Variants in NDUFA10 observed in about 807,000 individuals in gnomAD.
NDUFA10 encodes the protein NADH dehydrogenase [ubiquinone] 1 alpha subcomplex subunit 10, mitochondrial.
NDUFA10 carries 40 observed loss-of-function variants against 47.8 expected under a neutral mutation model. The ratio of observed to expected loss-of-function variants is 0.84; its 90% CI spans 0.65 to 1.09. The LOEUF (loss-of-function observed/expected upper bound fraction) is 1.09, where lower values mean the gene tolerates loss of function less well. NDUFA10 is among the 50% of genes least tolerant of loss of function. The pLI is 0.00. For synonymous variants in NDUFA10, 183 were observed against 172.2 expected, an observed-to-expected ratio of 1.06 and a Z score of -0.49; for missense variants, 413 against 451.1, an observed-to-expected ratio of 0.92 and a Z score of 0.76.
chr2:240,022,997 T>C (rs749488086), intron 1 of NDUFA10, among the ~76,000 whole-genome samples: 4 of 152,200 alleles, frequency 2.6e-5, no homozygotes, highest in African/African-American at 9.6e-5. Flanking sequence ...CACAAAATCC[T>C]AACTGTTCAG....
chr2:239,921,918 A>G lies in NDUFA10; in HGVS notation c.295-26604T>C, dbSNP rs187478389. On this transcript the variant is annotated intron_variant, in intron 4 of 5. Transcript: ENST00000419408. The stretch of plus-strand genomic sequence containing the variant: ...TCTCCTTCCTTTTCTCCTTTCCTCC[A>G]TTTTTCTGTCCTTCCTTCCTTCTTT... 3.7e-3 allele frequency among the ~76,000 whole-genome samples: 490 copies of G among 132,670 alleles called. 6 individuals are homozygous for G. The highest frequency in any genetic ancestry group is 7.2e-3 in the South Asian group (29 of 4,016). The allele number at this position is 132,670 out of a possible 152,430, so 87.0% of individuals were successfully genotyped here. A position where few individuals can be genotyped will look rare whatever the true frequency, so the allele number is the denominator to read the frequency against.
chr2:239,927,651 C>G lies in NDUFA10; in HGVS notation c.295-32337G>C, dbSNP rs141695769. On this transcript the variant is annotated intron_variant, in intron 4 of 5. Transcript: ENST00000419408. ...TCTAAAGGTCACATGCCGCACAATTCCATTTATACAAAATTCTCAAAATGA... is the reference window on the plus strand; with the variant it reads ...TCTAAAGGTCACATGCCGCACAATTGCATTTATACAAAATTCTCAAAATGA... Among the ~76,000 whole-genome samples the G allele has an allele frequency of 4.2e-3, 642 of 152,316 alleles. 5 individuals are homozygous for G. The highest frequency in any genetic ancestry group is 0.015 in the African/African-American group (604 of 41,560).
Position 239,960,089 on chromosome 2 carries a change from T to C in NDUFA10, c.*1029A>G. On this transcript the variant is annotated 3_prime_UTR_variant, in exon 10 of 10. Coordinates refer to ENST00000252711, the MANE Select transcript of NDUFA10 (RefSeq NM_004544.4). ...TCATTTAAATTTCAATACCCACATG[T>C]GGCTAGGAGCTACCATATTGGACAC... 1.0e-6 allele frequency: 1 copy of C among 985,400 alleles called. No individual in the cohort carries two copies. The highest frequency in any genetic ancestry group is 1.2e-6 in the Non-Finnish European group (1 of 829,904). The allele number at this position is 985,400 out of a possible 1,614,324, so 61.0% of individuals were successfully genotyped here.
chr2:239,912,070 G>A (rs1693765288), intron 4 of NDUFA10, among the ~76,000 whole-genome samples: 1 of 152,118 alleles, frequency 6.6e-6, no homozygotes, highest in Admixed American at 6.5e-5. Flanking sequence ...CACCCCTCGT[G>A]CCCACAGAAC....
chr2:239,967,839 C>G (rs1475098782), intron 9 of NDUFA10, among the ~76,000 whole-genome samples: 1 of 152,222 alleles, frequency 6.6e-6, no homozygotes, highest in East Asian at 1.9e-4. Context: ...TACAGCCAAC[C>G]TGGGATCTGT....
At chr2:239,966,250 C>A (rs1695053885) in intron 9 of NDUFA10, among the ~76,000 whole-genome samples, 1 of 152,232 alleles carries the variant, frequency 6.6e-6, no homozygotes, top group Non-Finnish European at 1.5e-5. Context: ...AAGTTCCTTT[C>A]CCTAAGGGCT....
intron 9 of NDUFA10, chr2:239,983,799 G>C: frequency 6.6e-7 from 1 of 1,507,178 alleles, no homozygotes; most frequent in Non-Finnish European, 8.9e-7. Context: ...AACAAAGTCT[G>C]AGAAAATGTT....
At chr2:239,929,579 C>A (rs1559289469) in intron 4 of NDUFA10, among the ~76,000 whole-genome samples, 1 of 152,088 alleles carries the variant, frequency 6.6e-6, no homozygotes, top group Non-Finnish European at 1.5e-5. Context: ...CTCCAGCAAG[C>A]TGCCCTGCTC....
At chr2:240,004,644 C>T (rs1696874075) in intron 8 of NDUFA10, among the ~76,000 whole-genome samples, 1 of 152,194 alleles carries the variant, frequency 6.6e-6, no homozygotes, top group East Asian at 1.9e-4. Context: ...CTGTGGCCTC[C>T]CCTCCCCACA....
At chr2:239,892,468 C>T (rs1010277134) in exon 6 of NDUFA10, 2 of 152,204 alleles carry the variant, frequency 1.3e-5, no homozygotes, top group East Asian at 3.8e-4. Flanking sequence ...ATACCCAAGT[C>T]GCCTGAAGCT....
intron 5 of NDUFA10, chr2:240,014,279 G>A (rs906485139): frequency 3.6e-5 from 10 of 279,960 alleles, no homozygotes; most frequent in Non-Finnish European, 6.3e-5. Flanking sequence ...CTGCTCTACT[G>A]TTCTAGAATT....
intron 4 of NDUFA10, among the ~76,000 whole-genome samples, chr2:239,949,054 A>G (rs1306532948): frequency 6.6e-6 from 1 of 152,164 alleles, no homozygotes; most frequent in African/African-American, 2.4e-5. Context: ...TCATTGCTTT[A>G]ACCCCACGAA....
chr2:239,996,066 T>C (rs1180330333), intron 8 of NDUFA10, among the ~76,000 whole-genome samples: 1 of 152,068 alleles, frequency 6.6e-6, no homozygotes, highest in African/African-American at 2.4e-5. Flanking sequence ...ACCCCAACTC[T>C]GAGTAACCAA....
chr2:239,995,151 G>A (rs1467962458), intron 8 of NDUFA10, among the ~76,000 whole-genome samples: 2 of 152,138 alleles, frequency 1.3e-5, no homozygotes, highest in Non-Finnish European at 2.9e-5. Context: ...GTGCACGCCT[G>A]TAGTATCAGC....
At chr2:239,924,662 A>G (rs1361459515) in intron 4 of NDUFA10, among the ~76,000 whole-genome samples, 2 of 152,160 alleles carry the variant, frequency 1.3e-5, no homozygotes, top group African/African-American at 4.8e-5. Flanking sequence ...GGAGATGTCT[A>G]CTATTACCAC....
In NDUFA10 at chr2:240,010,176, C is replaced by A. The variant is rs867551119; in HGVS notation, c.749+1441G>T. Among the ~76,000 whole-genome samples, 3 of 152,344 alleles carry A rather than the reference C, an allele frequency of 2.0e-5. No homozygotes were observed. In the South Asian group the frequency reaches 6.2e-4, roughly 32 times the overall value. On this transcript the variant is annotated intron_variant, in intron 6 of 9. Transcript: ENST00000252711. ...TTCAATGTGTGACAAATGACCCCTA[C>A]ATCAAGTGGCTCCCATCAATCCATA...
intron 8 of NDUFA10, among the ~76,000 whole-genome samples, chr2:240,002,404 T>G (rs560365427): frequency 2.0e-5 from 3 of 151,498 alleles, no homozygotes; most frequent in African/African-American, 7.3e-5. Context: ...TAATGGAAGA[T>G]TTGCTAGATT....
intron 4 of NDUFA10, among the ~76,000 whole-genome samples, chr2:239,936,771 G>A (rs955196138): frequency 2.6e-5 from 4 of 152,274 alleles, no homozygotes; most frequent in Non-Finnish European, 5.9e-5. Context: ...TGGCCAACAT[G>A]GCGAAACCCT....
chr2:239,926,456 G>T (rs1422274878), intron 4 of NDUFA10, among the ~76,000 whole-genome samples: 1 of 152,172 alleles, frequency 6.6e-6, no homozygotes, highest in East Asian at 1.9e-4. Flanking sequence ...GATGAGGCTG[G>T]TGTAAGCAAA....
Sources: gnomAD v4.1 joint callset for allele counts (sites outside exome capture counted in the v4.1 genomes callset) on GRCh38, gnomAD v4.1.1 for gene constraint, MANE v1.5 for transcripts, NCBI Gene and HGNC (gene_info 2026-07-23, HGNC 2026-07-21) for gene names.